RALB: variants seen among roughly 807,000 people sequenced by gnomAD.
The protein encoded by RALB is ras-related protein Ral-B.
RALB carries 16 observed loss-of-function variants against 21.3 expected under a neutral mutation model. That is an observed-to-expected ratio of 0.75 (90% CI 0.51 to 1.14). The LOEUF is 1.14. Ranked by LOEUF, RALB falls within the 50% of genes most tolerant of loss-of-function variation. The pLI is 0.00. For synonymous variants in RALB, 93 were observed against 96.1 expected (o/e 0.97, Z 0.19); for missense variants, 161 against 256.2 (o/e 0.63, Z 2.54).
chr2:120,269,345 G>T (rs1036132188), intron 1 of RALB, among the ~76,000 whole-genome samples: 5 of 152,348 alleles, frequency 3.3e-5, no homozygotes, highest in Non-Finnish European at 7.3e-5. Flanking sequence ...GGCTGAAAGA[G>T]TGAACAGCAG....
At chr2:120,282,157 G>A (rs1690004885) in intron 2 of RALB, among the ~76,000 whole-genome samples, 1 of 152,186 alleles carries the variant, frequency 6.6e-6, no homozygotes, top group African/African-American at 2.4e-5. Flanking sequence ...GAGAGGCCCT[G>A]GGTTGCCAGT....
chr2:120,260,640 G>A (rs1293012259), intron 1 of RALB, among the ~76,000 whole-genome samples: 2 of 152,226 alleles, frequency 1.3e-5, no homozygotes, highest in Admixed American at 6.5e-5. Flanking sequence ...AGAGCCACCC[G>A]GGAAGCACTC....
At chr2:120,243,539 A>AT (rs1278767144) in intron 1 of RALB, among the ~76,000 whole-genome samples, 2 of 151,854 alleles carry the variant, frequency 1.3e-5, no homozygotes, top group East Asian at 1.9e-4. Flanking sequence ...TCACTGGGGG[A>AT]TCTTTTCACA....
chr2:120,253,068 CTCCGT>C, intron 1 of RALB, 88 bp downstream of exon 1: 1 of 862,446 alleles, frequency 1.2e-6, no homozygotes, highest in Non-Finnish European at 1.4e-6. Context: ...CTCTTGCTCC[CTCCGT>C]GCCGGGCTGT....
chr2:120,247,733 G>C (rs943771503), intron 1 of RALB, among the ~76,000 whole-genome samples: 5 of 152,332 alleles, frequency 3.3e-5, no homozygotes, highest in African/African-American at 1.2e-4. Flanking sequence ...GAAGGCTCAG[G>C]GCTACTGCTT....
intron 1 of RALB, chr2:120,253,322 C>T (rs928944991): frequency 1.1e-6 from 1 of 906,848 alleles, no homozygotes; most frequent in African/African-American, 1.8e-5. Flanking sequence ...CCGTCCACTT[C>T]CTCAGTCCTC....
chr2:120,285,799 T>C (rs1442638579), intron 2 of RALB, 75 bp from the exon 3 acceptor site: 3 of 1,177,106 alleles, frequency 2.5e-6, no homozygotes, highest in Non-Finnish European at 3.8e-6. Context: ...AGTGCCCATA[T>C]GTGGAATTTT....
rs528899670 is a variant in RALB at position 120,271,532 on chromosome 2, T to G, written c.-47-7086T>G. Among the ~76,000 whole-genome samples the G allele has an allele frequency of 3.3e-5, 5 of 152,342 alleles. No individual in the cohort carries two copies. The East Asian group carries it at 9.6e-4, about 29-fold the overall frequency. On this transcript the variant is annotated intron_variant, in intron 1 of 4. Coordinates refer to ENST00000272519, the MANE Select transcript of RALB (RefSeq NM_002881.3). ...CCCTGTTTTCTCTAGAATCAAAGTT[T>G]CTTAAGATGGCACTTTAGGCCCATT... is the stretch of plus-strand genomic sequence containing the variant.
At chr2:120,263,018 G>T (rs1178645206) in intron 1 of RALB, among the ~76,000 whole-genome samples, 1 of 152,148 alleles carries the variant, frequency 6.6e-6, no homozygotes, top group East Asian at 1.9e-4. Context: ...TCAAAGCCAG[G>T]CCCCTTCATT....
At chr2:120,288,430 C>T (rs1031347113) in intron 3 of RALB, among the ~76,000 whole-genome samples, 2 of 142,614 alleles carry the variant, frequency 1.4e-5, no homozygotes, top group Non-Finnish European at 3.0e-5. Flanking sequence ...AGTGTTCCTC[C>T]CTCCTCAGGC....
At chr2:120,278,930 T>G (rs1304562032) in intron 2 of RALB, 152 bp downstream of exon 2, 3 of 586,944 alleles carry the variant, frequency 5.1e-6, no homozygotes, top group Non-Finnish European at 7.8e-6. Context: ...TAGGAAGGTC[T>G]AATCAGCATA....
intron 1 of RALB, among the ~76,000 whole-genome samples, chr2:120,258,760 C>T (rs1020752545): frequency 1.1e-4 from 17 of 152,152 alleles, no homozygotes; most frequent in Non-Finnish European, 5.9e-5. Flanking sequence ...CAATGGGAGT[C>T]AAAAATGACT....
intron 1 of RALB, among the ~76,000 whole-genome samples, chr2:120,247,647 C>T (rs1291741170): frequency 1.3e-5 from 2 of 152,142 alleles, no homozygotes; most frequent in Admixed American, 6.5e-5. Context: ...CAGAGTCAAG[C>T]GTTTGAATAT....
At position 120,259,770 on chromosome 2, in the gene RALB, G is replaced by A. The variant is rs1269721184; in HGVS notation, c.-48+6790G>A. Among the ~76,000 whole-genome samples, 23 of 152,392 alleles carry A rather than the reference G, an allele frequency of 1.5e-4. No homozygotes were observed. In the East Asian group the frequency reaches 4.2e-3, roughly 28 times the overall value. On this transcript the variant is annotated intron_variant, in intron 1 of 4. Coordinates refer to ENST00000272519, the MANE Select transcript of RALB (RefSeq NM_002881.3). Reference sequence around the variant, plus strand: ...CACTTGCATTCCTCAGCCCTTGGGTGGTCGATGGGACTGGGCGCCGTGGAG... The same window carrying A: ...CACTTGCATTCCTCAGCCCTTGGGTAGTCGATGGGACTGGGCGCCGTGGAG...
At chr2:120,244,543 C>G (rs796526557) in intron 1 of RALB, among the ~76,000 whole-genome samples, 15 of 152,350 alleles carry the variant, frequency 9.8e-5, no homozygotes, top group African/African-American at 3.6e-4. Context: ...CCATCTCCTG[C>G]CTGTGTCACC....
chr2:120,252,573 C>T (rs937903856), upstream of RALB, among the ~76,000 whole-genome samples: 2 of 152,264 alleles, frequency 1.3e-5, no homozygotes, highest in African/African-American at 2.4e-5. Flanking sequence ...CGGGCAGCTC[C>T]TCCACTGCCG....
At chr2:120,279,716 C>T (rs575525706) in intron 2 of RALB, among the ~76,000 whole-genome samples, 1 of 152,252 alleles carries the variant, frequency 6.6e-6, no homozygotes, top group South Asian at 2.1e-4. Flanking sequence ...GGAGAGTGTT[C>T]CGAGCAGAGC....
chr2:120,265,181 G>A (rs1287994825), intron 1 of RALB, among the ~76,000 whole-genome samples: 2 of 152,160 alleles, frequency 1.3e-5, no homozygotes, highest in African/African-American at 4.8e-5. Context: ...GCAAACGTCG[G>A]GGTATACTTA....
intron 1 of RALB, among the ~76,000 whole-genome samples, chr2:120,243,593 TG>T (rs1335011085): frequency 2.0e-5 from 3 of 152,188 alleles, no homozygotes; most frequent in Non-Finnish European, 4.4e-5. Flanking sequence ...GTCTTGGGCC[TG>T]CCACTCTGGC....
Sources: allele counts gnomAD v4.1 joint callset (sites outside exome capture counted in the v4.1 genomes callset), GRCh38; gene constraint gnomAD v4.1.1; transcripts MANE v1.5; gene names NCBI Gene and HGNC (gene_info 2026-07-23, HGNC 2026-07-21).